Variants in MCF2L observed in about 807,000 individuals in gnomAD.
MCF2L encodes the protein MCF.2 cell line derived transforming sequence like, also known as guanine nucleotide exchange factor DBS.
Under a neutral mutation model 153.4 loss-of-function variants are expected in MCF2L, and 97 were observed. That is an observed-to-expected ratio of 0.63 (90% CI 0.54 to 0.75). The LOEUF is 0.75. Among genes scored for constraint, MCF2L ranks in the 30% least tolerant of loss-of-function variants. The pLI, the probability that MCF2L is intolerant of heterozygous loss-of-function variation, is 0.00. For missense variants in MCF2L, 1,347 were observed against 1,495.2 expected, an observed-to-expected ratio of 0.90 and a Z score of 1.64; for synonymous variants, 659 against 632.2, an observed-to-expected ratio of 1.04 and a Z score of -0.64.
chr13:113,006,938 G>A (rs951986792), intron 1 of MCF2L, among the ~76,000 whole-genome samples: 3 of 152,192 alleles, frequency 2.0e-5, no homozygotes, highest in Non-Finnish European at 2.9e-5. Context: ...GACCGGAGGT[G>A]GCAAAGCCGG....
At chr13:113,037,457 T>C (rs1171694185) in intron 3 of MCF2L, among the ~76,000 whole-genome samples, 1 of 152,194 alleles carries the variant, frequency 6.6e-6, no homozygotes, top group Non-Finnish European at 1.5e-5. Context: ...CAGACTAAAC[T>C]GGTTCAGAGC....
chr13:112,987,105 T>C (rs2082677622), intron 1 of MCF2L, among the ~76,000 whole-genome samples: 3 of 151,964 alleles, frequency 2.0e-5, no homozygotes, highest in African/African-American at 7.3e-5. Flanking sequence ...CCCGGTGAAC[T>C]CACTCAGTGG....
At chr13:113,004,675 C>T (rs1157380247) in intron 1 of MCF2L, among the ~76,000 whole-genome samples, 2 of 152,232 alleles carry the variant, frequency 1.3e-5, no homozygotes, top group Non-Finnish European at 2.9e-5. Context: ...CAGAGTCACA[C>T]AGCTCAGGGA....
At chr13:113,084,298 A>AACCTCCTGTACCCCAGG (rs1296115954) in intron 18 of MCF2L, among the ~76,000 whole-genome samples, 1 of 62,284 alleles carries the variant, frequency 1.6e-5, no homozygotes, top group Admixed American at 1.5e-4. Context: ...GAACCCCCAG[A>AACCTCCTGTACCCCAGG]ACCTCCTGTA....
At chr13:112,918,578 G>C (rs1442245071) in intron 2 of MCF2L, among the ~76,000 whole-genome samples, 1 of 152,202 alleles carries the variant, frequency 6.6e-6, no homozygotes, top group Non-Finnish European at 1.5e-5. Flanking sequence ...CAGCCTGGGG[G>C]ATGCAGGGGC....
rs1418098588 is a variant in MCF2L at position 113,046,359 on chromosome 13, C to T, written c.369+998C>T. ...CCCGTCCCTCCCAGGCTCTGGGACCCTGGGTCCTCAGCTGTGATGGCACAA... is the reference window on the plus strand; with the variant it reads ...CCCGTCCCTCCCAGGCTCTGGGACCTTGGGTCCTCAGCTGTGATGGCACAA... On this transcript the variant is annotated intron_variant, in intron 4 of 29. Coordinates refer to ENST00000535094, the MANE Select transcript of MCF2L (RefSeq NM_001112732.3). The surrounding 1 kb of genome is among the most constrained non-coding windows in gnomAD (Gnocchi z 4.4). The T allele has an allele frequency of 5.7e-6, 2 of 351,828 alleles. No individual in the cohort carries two copies. The highest frequency in any genetic ancestry group is 1.6e-4 in the East Asian group (2 of 12,332). The allele number at this position is 351,828 out of a possible 1,614,324, so 21.8% of individuals were successfully genotyped here. A position where few individuals can be genotyped will look rare whatever the true frequency, so the allele number is the denominator to read the frequency against.
intron 27 of MCF2L, chr13:113,095,723 C>T: frequency 2.0e-6 from 2 of 994,314 alleles, no homozygotes; most frequent in Non-Finnish European, 2.4e-6. Context: ...CGGCAGCACC[C>T]CTCCGCAGCC....
chr13:112,895,243 G>A (rs1278185460), intron 1 of MCF2L, among the ~76,000 whole-genome samples: 1 of 152,114 alleles, frequency 6.6e-6, no homozygotes, highest in Non-Finnish European at 1.5e-5. Context: ...CTCACTCCCT[G>A]GAGACTCCCG....
chr13:112,926,288 C>G (rs2081402469), intron 2 of MCF2L, among the ~76,000 whole-genome samples: 1 of 104,490 alleles, frequency 9.6e-6, no homozygotes, highest in Non-Finnish European at 1.9e-5. Context: ...CAGCGGAGTG[C>G]TGCATGGCCT....
At chr13:113,019,352 C>T (rs922161539) in intron 2 of MCF2L, among the ~76,000 whole-genome samples, 1 of 152,176 alleles carries the variant, frequency 6.6e-6, no homozygotes, top group African/African-American at 2.4e-5. Flanking sequence ...CTCACCAAGG[C>T]CCGACGGCTG....
intron 9 of MCF2L, among the ~76,000 whole-genome samples, chr13:113,073,564 C>G (rs2033132321): frequency 6.6e-6 from 1 of 152,184 alleles, no homozygotes. Context: ...TTCTCAGGAT[C>G]ATTTCCAATA....
Position 113,090,017 on chromosome 13 carries a change from C to T in MCF2L, c.2953+289C>T, listed in dbSNP as rs563363149. On this transcript the variant is annotated intron_variant, in intron 26 of 29. Coordinates refer to ENST00000535094, the MANE Select transcript of MCF2L (RefSeq NM_001112732.3). ...CTCCCTGCGACAGCCGGACCCGCCT[C>T]CGCATCGGGTTGCGATGCCCTCTGC... 1.8e-3 allele frequency: 2,920 copies of T among 1,601,748 alleles called. 4 individuals carry two copies. The highest frequency in any genetic ancestry group is 2.4e-3 in the Non-Finnish European group (2,820 of 1,172,534).
Position 113,028,537 on chromosome 13 carries a change from G to A in MCF2L, c.278+3779G>A, listed in dbSNP as rs1271335060. ...CAGCCTGGTCTGGCTGAAGGTGGCCGGAGCGCAGGCCCAGTCCCCGCTGTG... is the reference window on the plus strand; with the variant it reads ...CAGCCTGGTCTGGCTGAAGGTGGCCAGAGCGCAGGCCCAGTCCCCGCTGTG... On this transcript the variant is annotated intron_variant, in intron 3 of 29. Coordinates refer to ENST00000535094, the MANE Select transcript of MCF2L (RefSeq NM_001112732.3). The surrounding 1 kb of genome is among the most constrained non-coding windows in gnomAD (Gnocchi z 5.4). 6.6e-6 allele frequency among the ~76,000 whole-genome samples: 1 copy of A among 152,224 alleles called. No homozygotes were observed. The highest frequency in any genetic ancestry group is 1.5e-5 in the Non-Finnish European group (1 of 68,046).
In MCF2L at chr13:113,005,905, AG is replaced by A. The variant is rs537939631; in HGVS notation, c.80-8856del. 2.4e-4 allele frequency among the ~76,000 whole-genome samples: 37 copies of A among 152,360 alleles called. No homozygotes were observed. The South Asian group carries it at 7.5e-3, about 31-fold the overall frequency. ...AAAAATAGCCAGAAGCTGTAAGCTC[AG>A]GAAGTGATGAGCCAGCCAAGGGCTC... is the stretch of plus-strand genomic sequence containing the variant. On this transcript the variant is annotated intron_variant, in intron 1 of 29. Transcript: ENST00000535094.
chr13:112,986,245 G>T (rs143856914), intron 1 of MCF2L, among the ~76,000 whole-genome samples: 1 of 152,360 alleles, frequency 6.6e-6, no homozygotes, highest in East Asian at 1.9e-4. Context: ...GCCATGTGGC[G>T]CTTTCCCGGG....
intron 2 of MCF2L, among the ~76,000 whole-genome samples, chr13:112,929,471 C>T (rs994693058): frequency 4.6e-5 from 7 of 152,208 alleles, no homozygotes; most frequent in South Asian, 2.1e-4. Flanking sequence ...CTGCCCTTTC[C>T]GCCTTCTCTT....
At chr13:113,090,000 G>A (rs746280673) in intron 26 of MCF2L, 25 of 1,599,834 alleles carry the variant, frequency 1.6e-5, no homozygotes, top group East Asian at 9.0e-5. Flanking sequence ...CCCTCCCTGC[G>A]ACAGCCGGAC....
In MCF2L at chr13:112,942,372, A is replaced by G. The variant is rs2081584513; in HGVS notation, c.169+40001A>G. Among the ~76,000 whole-genome samples the G allele has an allele frequency of 2.6e-5, 4 of 152,078 alleles. No individual in the cohort carries two copies. The South Asian group carries it at 8.3e-4, about 32-fold the overall frequency. On this transcript the variant is annotated intron_variant, in intron 2 of 29. Transcript: ENST00000375608. ...GTCTGGTAGACATGTGACCCACATGACCTTACCTATCATTGGAGATGGCTC... is the reference window on the plus strand; with the variant it reads ...GTCTGGTAGACATGTGACCCACATGGCCTTACCTATCATTGGAGATGGCTC...
rs772769130 is a variant in MCF2L at position 113,082,567 on chromosome 13, C to G, written c.1991+25C>G. On this transcript the variant is annotated intron_variant, in intron 17 of 29. Transcript: ENST00000535094. Reference sequence around the variant, plus strand: ...GGTGGGCCCTTCCCCCCGACACAGGCACGCACCCGTGATCTCTTGCAGCTA... The same window carrying G: ...GGTGGGCCCTTCCCCCCGACACAGGGACGCACCCGTGATCTCTTGCAGCTA... 2.0e-6 allele frequency: 3 copies of G among 1,479,290 alleles called. No homozygotes were observed. The South Asian group carries it at 3.4e-5, about 17-fold the overall frequency. The allele number at this position is 1,479,290 out of a possible 1,614,324, so 91.6% of individuals were successfully genotyped here.
Sources: gnomAD v4.1 joint callset for allele counts (sites outside exome capture counted in the v4.1 genomes callset) on GRCh38, gnomAD v4.1.1 for gene constraint, Gnocchi (gnomAD v3.1) non-coding constraint, MANE v1.5 for transcripts, NCBI Gene and HGNC (gene_info 2026-07-23, HGNC 2026-07-21) for gene names.